The following NXPE2 variants were observed in gnomAD, a reference collection of about 807,000 sequenced individuals.
NXPE2 encodes the protein NXPE family member 2.
NXPE2 carries 34 observed loss-of-function variants against 34.4 expected under a neutral mutation model. The observed-to-expected ratio is 0.99, with a 90% CI of 0.75 to 1.31. The LOEUF (loss-of-function observed/expected upper bound fraction) is 1.31. Ranked by LOEUF, NXPE2 falls within the 40% of genes most tolerant of loss-of-function variation. The pLI, the probability that NXPE2 is intolerant of heterozygous loss-of-function variation, is 0.00. For missense variants in NXPE2, 649 were observed against 672.5 expected (o/e 0.97, Z 0.39); for synonymous variants, 235 against 231.3 (o/e 1.02, Z -0.15).
chr11:114,797,523 C>G, the NXPE2 span, among the ~76,000 whole-genome samples: 1 of 152,148 alleles, frequency 6.6e-6, no homozygotes, highest in Admixed American at 6.5e-5. Context: ...TGGCACCCCT[C>G]CCTCCTGTAT....
At chr11:114,772,803 C>T in the NXPE2 span, among the ~76,000 whole-genome samples, 1 of 152,258 alleles carries the variant, frequency 6.6e-6, no homozygotes, top group African/African-American at 2.4e-5. Context: ...AGACAGAAAG[C>T]GGGGTTCAGC....
chr11:114,608,790 G>A, the NXPE2 span, among the ~76,000 whole-genome samples: 1 of 151,752 alleles, frequency 6.6e-6, no homozygotes, highest in Non-Finnish European at 1.5e-5. Context: ...CGGTTACCCT[G>A]TGGAAAATAA....
chr11:114,706,812 T>C lies in NXPE2; in HGVS notation c.1562T>C (p.Leu521Pro). The C allele has an allele frequency of 1.9e-6, 3 of 1,552,272 alleles. No individual in the cohort carries two copies. Among genetic ancestry groups the C allele is most frequent in the South Asian group, 2.4e-5 (2 of 84,060 alleles). The change falls in exon 6 of 6, where the codon CTT (leucine) becomes CCT (proline). Residue 521 changes from leucine to proline, a missense_variant. Transcript: ENST00000389586. Reference sequence around the variant, plus strand: ...ATCATAAGAGATATTTTTGTGGATCTTAATGTGGGTATTATTGATGCCTGG... The same window carrying C: ...ATCATAAGAGATATTTTTGTGGATCCTAATGTGGGTATTATTGATGCCTGG... ...NLIIRDIFVD[L>P]NVGIIDAWDM...
the NXPE2 span, among the ~76,000 whole-genome samples, chr11:114,642,931 T>C: frequency 6.6e-5 from 10 of 152,094 alleles, no homozygotes; most frequent in African/African-American, 2.4e-4. Context: ...ATCGGATGTT[T>C]CCTGACATTT....
chr11:114,518,229 C>T, the NXPE2 span: 1 of 152,178 alleles, frequency 6.6e-6, no homozygotes, highest in Admixed American at 6.5e-5. Flanking sequence ...TGCTCAGCAA[C>T]ATCTGCCTTG....
At chr11:114,637,005 T>C in the NXPE2 span, among the ~76,000 whole-genome samples, 1 of 152,158 alleles carries the variant, frequency 6.6e-6, no homozygotes, top group Non-Finnish European at 1.5e-5. Context: ...TGAGTTCAAT[T>C]CCTGGGTATC....
chr11:114,774,707 C>T, the NXPE2 span, among the ~76,000 whole-genome samples: 1 of 152,198 alleles, frequency 6.6e-6, no homozygotes, highest in Admixed American at 6.5e-5. Context: ...TTCCCCCTTT[C>T]GCCCTTTCCC....
At chr11:114,787,115 T>C in the NXPE2 span, among the ~76,000 whole-genome samples, 11 of 152,058 alleles carry the variant, frequency 7.2e-5, no homozygotes, top group African/African-American at 2.4e-4. Flanking sequence ...TGTCACACTT[T>C]CCCGGAGCTC....
At chr11:114,618,748 G>A in the NXPE2 span, among the ~76,000 whole-genome samples, 21 of 151,966 alleles carry the variant, frequency 1.4e-4, no homozygotes, top group Admixed American at 5.9e-4. Flanking sequence ...GTGTTATCTC[G>A]TGCGTAGCCA....
chr11:114,779,320 G>A, the NXPE2 span, among the ~76,000 whole-genome samples: 3 of 125,244 alleles, frequency 2.4e-5, no homozygotes, highest in Non-Finnish European at 5.2e-5. Flanking sequence ...GGAGTGGGGT[G>A]TGGGGAGAGC....
At chr11:114,577,569 A>G in the NXPE2 span, among the ~76,000 whole-genome samples, 1 of 152,146 alleles carries the variant, frequency 6.6e-6, no homozygotes, top group African/African-American at 2.4e-5. Context: ...TAAAAATTAA[A>G]AAAGTGTTAT....
chr11:114,547,286 G>T, the NXPE2 span, among the ~76,000 whole-genome samples: 2 of 152,152 alleles, frequency 1.3e-5, no homozygotes, highest in African/African-American at 4.8e-5. Context: ...TTAGCTCTGT[G>T]ATCTTCCTTC....
chr11:114,701,756 G>A (rs559970057), intron 3 of NXPE2, among the ~76,000 whole-genome samples: 8 of 152,140 alleles, frequency 5.3e-5, no homozygotes, highest in Non-Finnish European at 8.8e-5. Flanking sequence ...ACATAGTACC[G>A]TTAACCCTTG....
the NXPE2 span, among the ~76,000 whole-genome samples, chr11:114,544,343 C>T: frequency 4.6e-5 from 7 of 152,100 alleles, no homozygotes; most frequent in Admixed American, 6.5e-5. Flanking sequence ...ACAAAGCTGC[C>T]GTTATCAAGA....
intron 2 of NXPE2, among the ~76,000 whole-genome samples, chr11:114,681,814 T>C (rs1950956485): frequency 6.6e-6 from 1 of 152,182 alleles, no homozygotes; most frequent in Admixed American, 6.5e-5. Flanking sequence ...ATGCTTCCTG[T>C]ATAATTTTTA....
the NXPE2 span, among the ~76,000 whole-genome samples, chr11:114,484,707 C>T: frequency 6.6e-6 from 1 of 152,296 alleles, no homozygotes; most frequent in African/African-American, 2.4e-5. Flanking sequence ...ACTTCTCTTT[C>T]CACCTGAAAT....
chr11:114,571,314 A>G, the NXPE2 span: 12 of 1,613,894 alleles, frequency 7.4e-6, no homozygotes, highest in Admixed American at 1.7e-5. Flanking sequence ...AGTTCTGTCA[A>G]TGGCCCGGGT....
At chr11:114,490,154 G>A in the NXPE2 span, among the ~76,000 whole-genome samples, 5 of 152,214 alleles carry the variant, frequency 3.3e-5, no homozygotes, top group African/African-American at 9.7e-5. Flanking sequence ...TACAAGGGAC[G>A]TGAAGGACCT....
At chr11:114,551,024 T>C in the NXPE2 span, 1 of 726,412 alleles carries the variant, frequency 1.4e-6, no homozygotes, top group Non-Finnish European at 2.4e-6. Flanking sequence ...GCAGGACTAA[T>C]GGAGTGGGAC....
Sources: allele counts gnomAD v4.1 joint callset (sites outside exome capture counted in the v4.1 genomes callset), GRCh38; gene constraint gnomAD v4.1.1; transcripts MANE v1.5; gene names NCBI Gene and HGNC (gene_info 2026-07-23, HGNC 2026-07-21).